SPAG9: variants seen among roughly 807,000 people sequenced by gnomAD.
SPAG9 encodes sperm associated antigen 9, also known as C-Jun-amino-terminal kinase-interacting protein 4.
In SPAG9, 35 loss-of-function variants were observed where a neutral mutation model predicts 166.5. The observed-to-expected ratio is 0.21, with a 90% confidence interval of 0.16 to 0.28. The LOEUF (loss-of-function observed/expected upper bound fraction) is 0.28. Among genes scored for constraint, SPAG9 ranks in the 10% least tolerant of loss-of-function variants. The pLI, the probability that SPAG9 is intolerant of heterozygous loss-of-function variation, is 1.00. For missense variants in SPAG9, 1,235 were observed against 1,603.3 expected (o/e 0.77, Z 3.92); for synonymous variants, 534 against 565.5 (o/e 0.94, Z 0.79).
chr17:51,047,154 C>G (rs2047048533), intron 4 of SPAG9, among the ~76,000 whole-genome samples: 1 of 152,152 alleles, frequency 6.6e-6, no homozygotes, highest in Non-Finnish European at 1.5e-5. Context: ...AATCTAAATA[C>G]TCAATGTGCT....
At chr17:51,034,853 T>C (rs369050438) in intron 5 of SPAG9, among the ~76,000 whole-genome samples, 3 of 151,936 alleles carry the variant, frequency 2.0e-5, no homozygotes, top group African/African-American at 7.3e-5. Context: ...TCGCCAAAAA[T>C]ACATAACCTC....
At chr17:50,997,766 T>C (rs1344500243) in intron 15 of SPAG9, among the ~76,000 whole-genome samples, 1 of 152,142 alleles carries the variant, frequency 6.6e-6, no homozygotes, top group Non-Finnish European at 1.5e-5. Context: ...TGTTTGTACC[T>C]AATGAGTAGT....
chr17:51,076,850 T>C (rs781616162), intron 2 of SPAG9, among the ~76,000 whole-genome samples: 1 of 152,088 alleles, frequency 6.6e-6, no homozygotes, highest in Non-Finnish European at 1.5e-5. Context: ...CTTTAGTGTT[T>C]GGTTCTAAAA....
intron 3 of SPAG9, among the ~76,000 whole-genome samples, chr17:51,051,389 T>A: frequency 6.6e-6 from 1 of 151,756 alleles, no homozygotes; most frequent in Admixed American, 6.6e-5. Flanking sequence ...ATAACAGGCG[T>A]GAGCCACTGC....
At chr17:51,026,912 G>A (rs1164310563) in intron 6 of SPAG9, among the ~76,000 whole-genome samples, 4 of 151,944 alleles carry the variant, frequency 2.6e-5, no homozygotes. Context: ...CTGACCTCAG[G>A]TGATCCGCCT....
At chr17:51,081,385 A>G (rs1466151197) in intron 1 of SPAG9, among the ~76,000 whole-genome samples, 1 of 152,036 alleles carries the variant, frequency 6.6e-6, no homozygotes, top group Non-Finnish European at 1.5e-5. Context: ...CAGGAGACGG[A>G]GGTTACAGTA....
At chr17:51,047,170 T>A (rs558688471) in intron 4 of SPAG9, among the ~76,000 whole-genome samples, 1 of 152,240 alleles carries the variant, frequency 6.6e-6, no homozygotes, top group Non-Finnish European at 1.5e-5. Context: ...GTGCTGCTTA[T>A]ATGGATGGCT....
chr17:50,977,319 A>G (rs1180433355), intron 26 of SPAG9, 98 bp from the exon 27 acceptor site: 3 of 748,390 alleles, frequency 4.0e-6, no homozygotes, highest in Non-Finnish European at 7.0e-6. Context: ...AAACAAAAAA[A>G]AAAGAAAGAA....
At chr17:51,099,178 A>G (rs1438699456) in intron 1 of SPAG9, among the ~76,000 whole-genome samples, 2 of 151,798 alleles carry the variant, frequency 1.3e-5, no homozygotes, top group African/African-American at 4.8e-5. Context: ...TCACGCCTGT[A>G]ATCCCAACAC....
At chr17:51,085,959 ATTTTTT>A (rs34918673) in intron 1 of SPAG9, among the ~76,000 whole-genome samples, 6 of 88,066 alleles carry the variant, frequency 6.8e-5, no homozygotes, top group Non-Finnish European at 1.1e-4. Flanking sequence ...CTTGGAAATC[ATTTTTT>A]TTTTTTTTTT....
At chr17:51,009,829 T>TA (rs1379946984) in intron 9 of SPAG9, among the ~76,000 whole-genome samples, 2 of 151,898 alleles carry the variant, frequency 1.3e-5, no homozygotes, top group Admixed American at 6.6e-5. Flanking sequence ...ATGGCAAAAA[T>TA]AAATAAATAA....
At position 51,014,486 on chromosome 17, in the gene SPAG9, A is replaced by C. The variant is rs2045618152; in HGVS notation, c.1092-133T>G. ...TTACGTTTACTAGAAAATATAACTT[A>C]AAAAGATTTCTCAAAGGCTTCCTAA... On this transcript the variant is annotated intron_variant, in intron 8 of 29. Transcript: ENST00000262013. 14 of 707,886 alleles carry C rather than the reference A, an allele frequency of 2.0e-5. No individual in the cohort carries two copies. The East Asian group carries it at 4.2e-4, about 21-fold the overall frequency. The allele number at this position is 707,886 out of a possible 1,614,324, so 43.9% of individuals were successfully genotyped here.
chr17:51,095,877 A>T (rs988646117), intron 1 of SPAG9, among the ~76,000 whole-genome samples: 74 of 144,592 alleles, frequency 5.1e-4, no homozygotes, highest in African/African-American at 1.8e-3. Context: ...TAGTGATGTG[A>T]TATATATAGT....
chr17:51,118,586 T>C (rs1472668990), intron 1 of SPAG9, among the ~76,000 whole-genome samples: 1 of 152,236 alleles, frequency 6.6e-6, no homozygotes, highest in Non-Finnish European at 1.5e-5. Flanking sequence ...CACTTCCATG[T>C]ATATCCACAC....
intron 1 of SPAG9, among the ~76,000 whole-genome samples, chr17:51,107,609 C>T (rs1449271190): frequency 4.0e-5 from 6 of 151,898 alleles, no homozygotes; most frequent in African/African-American, 1.2e-4. Flanking sequence ...TGGTGGCACG[C>T]GCCTATACTC....
chr17:50,999,751 T>C, intron 13 of SPAG9, 34 bp from the exon 14 acceptor site: 1 of 1,573,852 alleles, frequency 6.4e-7, no homozygotes, highest in South Asian at 1.1e-5. Flanking sequence ...GAAACATTTA[T>C]CAGTGAGGTA....
chr17:51,031,530 T>A (rs958457539), intron 6 of SPAG9, 151 bp downstream of exon 6: 2 of 650,826 alleles, frequency 3.1e-6, no homozygotes, highest in African/African-American at 1.8e-5. Flanking sequence ...ACCACTACAG[T>A]GGAAATAATT....
At chr17:51,056,909 T>C (rs1434223311) in intron 2 of SPAG9, among the ~76,000 whole-genome samples, 2 of 152,132 alleles carry the variant, frequency 1.3e-5, no homozygotes, top group Non-Finnish European at 2.9e-5. Flanking sequence ...TCTCCTCAAT[T>C]TCAGGGACTC....
At chr17:51,075,091 G>A (rs1369679810) in intron 2 of SPAG9, among the ~76,000 whole-genome samples, 1 of 150,492 alleles carries the variant, frequency 6.6e-6, no homozygotes, top group Non-Finnish European at 1.5e-5. Context: ...AGCTACTCGG[G>A]AGGCTGAGGC....
Sources: allele counts gnomAD v4.1 joint callset (sites outside exome capture counted in the v4.1 genomes callset), GRCh38; gene constraint gnomAD v4.1.1; transcripts MANE v1.5; gene names NCBI Gene and HGNC (gene_info 2026-07-23, HGNC 2026-07-21).